The following GTF2F2 variants were observed in gnomAD, a reference collection of about 807,000 sequenced individuals.
GTF2F2 encodes ATP-dependent helicase GTF2F2.
A neutral mutation model predicts 42.2 loss-of-function variants in GTF2F2; 23 were observed. The ratio of observed to expected loss-of-function variants is 0.55; its 90% CI spans 0.39 to 0.77. GTF2F2 has a LOEUF of 0.77. GTF2F2 is among the 30% of genes least tolerant of loss of function. The pLI, the probability that GTF2F2 is intolerant of heterozygous loss-of-function variation, is 0.00. For missense variants in GTF2F2, 261 were observed against 287.2 expected (o/e 0.91, Z 0.66); for synonymous variants, 105 against 100.8 (o/e 1.04, Z -0.25).
At chr13:45,195,795 T>C (rs543123065) in intron 4 of GTF2F2, among the ~76,000 whole-genome samples, 1 of 152,324 alleles carries the variant, frequency 6.6e-6, no homozygotes, top group South Asian at 2.1e-4. Flanking sequence ...TCTGGGAAAC[T>C]ACATTGTTTT....
intron 1 of GTF2F2, among the ~76,000 whole-genome samples, chr13:45,126,057 C>A (rs898106624): frequency 6.6e-6 from 1 of 152,064 alleles, no homozygotes; most frequent in African/African-American, 2.4e-5. Flanking sequence ...GCTGGCCACA[C>A]TCTCAGCAGC....
At chr13:45,151,911 CTTTTTTT>C (rs773005628) in intron 4 of GTF2F2, 80 bp downstream of exon 4, 126 of 142,130 alleles carry the variant, frequency 8.9e-4, no homozygotes, top group South Asian at 2.1e-3. Flanking sequence ...CTCCTATTTG[CTTTTTTT>C]TTTTTTTTTT....
chr13:45,162,839 C>T (rs986199006), intron 4 of GTF2F2, among the ~76,000 whole-genome samples: 2 of 152,118 alleles, frequency 1.3e-5, no homozygotes, highest in Non-Finnish European at 2.9e-5. Context: ...AATAGTTTAA[C>T]CTATGCCTAA....
intron 5 of GTF2F2, among the ~76,000 whole-genome samples, chr13:45,233,153 G>A (rs991521997): frequency 6.6e-6 from 1 of 152,170 alleles, no homozygotes; most frequent in African/African-American, 2.4e-5. Flanking sequence ...TGGGGATGCC[G>A]AGGCTTGAGC....
rs1555269186 is a variant in GTF2F2, at chr13:45,212,447, G to GTTTCTTTCTTTCTTTTCTTTTCTTTTCT, written c.386+4957_386+4958insTCTTTTCTTTTCTTTTCTTTCTTTCTTT. Reference sequence around the variant, plus strand: ...TGATTTCTTTCTTTCTTTCTTTCTTGTTTCTTTCTTTCTTTCTTTCTTTCT... The same window carrying GTTTCTTTCTTTCTTTTCTTTTCTTTTCT: ...TGATTTCTTTCTTTCTTTCTTTCTTGTTTCTTTCTTTCTTTTCTTTTCTTTTCTTTTCTTTCTTTCTTTCTTTCTTTCT... On this transcript the variant is annotated intron_variant, in intron 5 of 7. Transcript: ENST00000340473. Among the ~76,000 whole-genome samples the GTTTCTTTCTTTCTTTTCTTTTCTTTTCT allele has an allele frequency of 2.4e-3, 108 of 45,674 alleles. 1 individual carries two copies. The highest frequency in any genetic ancestry group is 0.011 in the South Asian group (16 of 1,402). The allele number at this position is 45,674 out of a possible 152,430, so 30.0% of individuals were successfully genotyped here.
intron 2 of GTF2F2, among the ~76,000 whole-genome samples, chr13:45,146,946 C>G (rs1391365619): frequency 6.6e-6 from 1 of 152,194 alleles, no homozygotes. Context: ...CATTCACACA[C>G]CAAGACAAGG....
Position 45,246,819 on chromosome 13 carries a change from C to T in GTF2F2, c.387-6052C>T, listed in dbSNP as rs540052600. On this transcript the variant is annotated intron_variant, in intron 5 of 7. Coordinates refer to ENST00000340473, the MANE Select transcript of GTF2F2 (RefSeq NM_004128.3). ...TTGGGAGGCCAATGCGGGCGGATCA[C>T]GAGGTCAGGAGCTCTAGACCATCCT... Among the ~76,000 whole-genome samples, 226 of 151,268 alleles carry T rather than the reference C, an allele frequency of 1.5e-3. 2 individuals carry two copies. The highest frequency in any genetic ancestry group is 2.6e-3 in the Non-Finnish European group (177 of 67,754).
chr13:45,138,144 C>A (rs1225999530), intron 2 of GTF2F2, among the ~76,000 whole-genome samples: 1 of 152,130 alleles, frequency 6.6e-6, no homozygotes, highest in Non-Finnish European at 1.5e-5. Flanking sequence ...GCTGTTCCTT[C>A]TTAGTTTCTT....
At chr13:45,257,673 A>G (rs1219226970) in intron 6 of GTF2F2, among the ~76,000 whole-genome samples, 2 of 152,126 alleles carry the variant, frequency 1.3e-5, no homozygotes, top group African/African-American at 2.4e-5. Flanking sequence ...GGTGAGGGGG[A>G]AAATTATTAT....
chr13:45,276,028 A>G (rs548635889), intron 7 of GTF2F2, among the ~76,000 whole-genome samples: 25 of 152,318 alleles, frequency 1.6e-4, no homozygotes, highest in African/African-American at 5.8e-4. Context: ...CTTATATAAT[A>G]TAATGTAAAT....
At chr13:45,191,224 A>AAAAAAAAAAAAAAT in intron 4 of GTF2F2, among the ~76,000 whole-genome samples, 2 of 75,346 alleles carry the variant, frequency 2.7e-5, no homozygotes, top group African/African-American at 1.0e-4. Context: ...ACAAAAAAAA[A>AAAAAAAAAAAAAAT]ATATATATAT....
At chr13:45,280,465 G>C (rs1224200225) in intron 7 of GTF2F2, among the ~76,000 whole-genome samples, 1 of 152,116 alleles carries the variant, frequency 6.6e-6, no homozygotes, top group Non-Finnish European at 1.5e-5. Context: ...TATTTGATTA[G>C]AGTAAAATGG....
At chr13:45,124,267 A>T (rs1015223873) in intron 1 of GTF2F2, 1 of 271,180 alleles carries the variant, frequency 3.7e-6, no homozygotes, top group East Asian at 9.0e-5. Context: ...TATTTTTAGT[A>T]GAGACGGGGT....
At chr13:45,283,333 G>A in intron 7 of GTF2F2, 109 bp from the exon 8 acceptor site, 1 of 966,038 alleles carries the variant, frequency 1.0e-6, no homozygotes, top group Non-Finnish European at 1.5e-6. Context: ...TGAGCTTTTA[G>A]GATCATAATT....
At position 45,239,376 on chromosome 13, in the gene GTF2F2, A is replaced by C. The variant is rs573450794; in HGVS notation, c.387-13495A>C. On this transcript the variant is annotated intron_variant, in intron 5 of 7. Coordinates refer to ENST00000340473, the MANE Select transcript of GTF2F2 (RefSeq NM_004128.3). ...GTGTTGTCTAGCTAACAGAGGTAAT[A>C]TAGTGACTCTCTGGAATGCTGGTGA... 2.4e-4 allele frequency among the ~76,000 whole-genome samples: 36 copies of C among 152,344 alleles called. No individual in the cohort carries two copies. In the East Asian group the frequency reaches 6.0e-3, roughly 25 times the overall value.
chr13:45,209,183 A>G (rs930044682), intron 5 of GTF2F2, among the ~76,000 whole-genome samples: 1 of 152,234 alleles, frequency 6.6e-6, no homozygotes, highest in African/African-American at 2.4e-5. Flanking sequence ...GTCATGCACT[A>G]TATAAGGACA....
chr13:45,279,956 G>A (rs1335766184), intron 7 of GTF2F2, among the ~76,000 whole-genome samples: 3 of 151,440 alleles, frequency 2.0e-5, no homozygotes, highest in East Asian at 1.9e-4. Context: ...TAAGAGGAGA[G>A]CAAGGCATAT....
intron 4 of GTF2F2, among the ~76,000 whole-genome samples, chr13:45,180,458 G>A (rs903783168): frequency 6.6e-6 from 1 of 152,070 alleles, no homozygotes; most frequent in Non-Finnish European, 1.5e-5. Flanking sequence ...GTATGTATGT[G>A]TAATATATCT....
chr13:45,238,220 G>T (rs1330831869), intron 5 of GTF2F2, among the ~76,000 whole-genome samples: 1 of 152,160 alleles, frequency 6.6e-6, no homozygotes. Flanking sequence ...CTCCCAAACT[G>T]CTAGGATTAC....
Sources: gnomAD v4.1 joint callset for allele counts (sites outside exome capture counted in the v4.1 genomes callset) on GRCh38, gnomAD v4.1.1 for gene constraint, MANE v1.5 for transcripts, NCBI Gene and HGNC (gene_info 2026-07-23, HGNC 2026-07-21) for gene names.